TSHZ3: variants seen among roughly 807,000 people sequenced by gnomAD.
The protein encoded by TSHZ3 is teashirt zinc finger homeobox 3, also known as teashirt homolog 3.
TSHZ3 carries 10 observed loss-of-function variants against 64.5 expected under a neutral mutation model. The ratio of observed to expected loss-of-function variants is 0.16; its 90% CI spans 0.10 to 0.26. The LOEUF (loss-of-function observed/expected upper bound fraction) is 0.26. Among genes scored for constraint, TSHZ3 ranks in the 10% least tolerant of loss-of-function variants. TSHZ3 has a pLI of 1.00. For synonymous variants in TSHZ3, 608 were observed against 593.1 expected (o/e 1.03, Z -0.36); for missense variants, 1,242 against 1,421.7 (o/e 0.87, Z 2.03).
chr19:31,279,517 G>A lies in TSHZ3; in HGVS notation c.276C>T (p.Ser92=). 2.5e-6 allele frequency: 4 copies of A among 1,612,590 alleles called. No homozygotes were observed. Among genetic ancestry groups the A allele is most frequent in the Non-Finnish European group, 3.4e-6 (4 of 1,178,778 alleles). The change falls in exon 2 of 2, where the codon TCC becomes TCT. Residue 92 remains serine, a synonymous_variant. Transcript: ENST00000240587. The surrounding 1 kb of genome is among the most constrained non-coding windows in gnomAD (Gnocchi z 6.4). ...SDRMADFESG[S]IKNEEETKEV... ...CCTTGGTCTCCTCTTCGTTCTTGAT[G>A]GAGCCGCTTTCAAAGTCAGCCATTC... is the stretch of plus-strand genomic sequence containing the variant.
At chr19:31,283,798 G>A (rs533940228) in intron 1 of TSHZ3, among the ~76,000 whole-genome samples, 2 of 152,302 alleles carry the variant, frequency 1.3e-5, no homozygotes, top group East Asian at 1.9e-4. Context: ...AGCTTGACAC[G>A]CAAAGCCCCT....
chr19:31,285,177 C>A (rs1179607782), intron 1 of TSHZ3, among the ~76,000 whole-genome samples: 1 of 152,142 alleles, frequency 6.6e-6, no homozygotes, highest in Non-Finnish European at 1.5e-5. Context: ...CACTCAAATA[C>A]CCTCTTCAGG....
chr19:31,168,330 C>A (rs544620448), intron 5 of TSHZ3, among the ~76,000 whole-genome samples: 14 of 152,088 alleles, frequency 9.2e-5, no homozygotes, highest in African/African-American at 3.4e-4. Flanking sequence ...TGGGAAATAT[C>A]CTCTTTTTTG....
At chr19:31,242,055 G>T (rs1230666214) in intron 3 of TSHZ3, among the ~76,000 whole-genome samples, 1 of 152,178 alleles carries the variant, frequency 6.6e-6, no homozygotes, top group East Asian at 1.9e-4. Flanking sequence ...CATTTCCTCA[G>T]TGGATTTTTA....
intron 3 of TSHZ3, among the ~76,000 whole-genome samples, chr19:31,242,159 T>C (rs1265253494): frequency 6.6e-6 from 1 of 152,212 alleles, no homozygotes; most frequent in Non-Finnish European, 1.5e-5. Flanking sequence ...TTAAAATTTG[T>C]CCCTTCCAGA....
Position 31,279,496 on chromosome 19 carries a change from G to A in TSHZ3, c.297C>T (p.Thr99=), listed in dbSNP as rs1976322842. Residue 99 remains threonine (T), a synonymous_variant, in exon 2 of 2, where the codon ACC becomes ACT. Coordinates refer to ENST00000240587, the MANE Select transcript of TSHZ3 (RefSeq NM_020856.4). The surrounding 1 kb of genome is among the most constrained non-coding windows in gnomAD (Gnocchi z 6.4). The stretch of plus-strand genomic sequence containing the variant: ...CTTCCAGTGGGACCGTGACCTCCTT[G>A]GTCTCCTCTTCGTTCTTGATGGAGC... The part of the protein sequence containing the change: ...ESGSIKNEEE[T]KEVTVPLEDT... The A allele has an allele frequency of 1.2e-6, 2 of 1,613,996 alleles. No individual in the cohort carries two copies. The highest frequency in any genetic ancestry group is 1.1e-5 in the South Asian group (1 of 91,076).
At chr19:31,299,028 C>CG (rs1193572228) in intron 1 of TSHZ3, among the ~76,000 whole-genome samples, 2 of 152,136 alleles carry the variant, frequency 1.3e-5, no homozygotes, top group African/African-American at 2.4e-5. Context: ...AACCCTGTCT[C>CG]TACTAAAGGT....
chr19:31,258,232 G>A (rs1235771358), intron 1 of TSHZ3, among the ~76,000 whole-genome samples: 1 of 152,174 alleles, frequency 6.6e-6, no homozygotes, highest in Non-Finnish European at 1.5e-5. Flanking sequence ...AAGGGTATAA[G>A]CTCCCTGGCT....
At chr19:31,207,104 G>A (rs1278020640) in intron 4 of TSHZ3, among the ~76,000 whole-genome samples, 5 of 152,188 alleles carry the variant, frequency 3.3e-5, no homozygotes, top group Non-Finnish European at 5.9e-5. Context: ...GAGCAGGCGA[G>A]AGACCATTAT....
rs1003357308 is a variant in TSHZ3 at position 31,275,449 on chromosome 19, T to C, written c.*1098A>G. The C allele has an allele frequency of 1.3e-5, 2 of 152,580 alleles. No individual in the cohort carries two copies. Among genetic ancestry groups the C allele is most frequent in the Non-Finnish European group, 2.9e-5 (2 of 68,026 alleles). 9.5% of individuals were successfully genotyped at this position (152,580 alleles called of 1,614,324 possible). A position where few individuals can be genotyped will look rare whatever the true frequency, so the allele number is the denominator to read the frequency against. ...AAGTTCTTTTTTTTTTTTTGTTCTT[T>C]TTTTTAACCTTTTCAAATAGACTTA... On this transcript the variant is annotated 3_prime_UTR_variant, in exon 2 of 2. Transcript: ENST00000240587.
chr19:31,202,887 T>C (rs1452789891), intron 5 of TSHZ3, among the ~76,000 whole-genome samples: 1 of 152,174 alleles, frequency 6.6e-6, no homozygotes. Context: ...CACTGTTTAT[T>C]GAGTAACTAG....
intron 6 of TSHZ3, among the ~76,000 whole-genome samples, chr19:31,153,131 G>C (rs960065357): frequency 6.6e-6 from 1 of 152,128 alleles, no homozygotes; most frequent in African/African-American, 2.4e-5. Context: ...TCCTGCCATT[G>C]GAGTTCAGCT....
At chr19:31,196,850 CAAT>C (rs1975000747) in intron 5 of TSHZ3, among the ~76,000 whole-genome samples, 1 of 151,744 alleles carries the variant, frequency 6.6e-6, no homozygotes, top group African/African-American at 2.4e-5. Context: ...AAAATGAATC[CAAT>C]ATTATACTTA....
intron 3 of TSHZ3, among the ~76,000 whole-genome samples, chr19:31,237,429 A>T (rs117246774): frequency 0.027 from 4,125 of 152,228 alleles, 91 homozygotes; most frequent in Non-Finnish European, 0.039. Flanking sequence ...ATGTATTAAC[A>T]TTCTACAGGA....
At chr19:31,291,584 A>G (rs1470896959) in intron 1 of TSHZ3, among the ~76,000 whole-genome samples, 1 of 152,220 alleles carries the variant, frequency 6.6e-6, no homozygotes, top group African/African-American at 2.4e-5. Context: ...ACAAAAATAA[A>G]TGTATCAAGG....
chr19:31,326,944 C>T (rs1916947893), intron 1 of TSHZ3, among the ~76,000 whole-genome samples: 1 of 152,146 alleles, frequency 6.6e-6, no homozygotes, highest in Non-Finnish European at 1.5e-5. Context: ...CATGCAAATA[C>T]AGGGGAGAAG....
chr19:31,334,804 T>C (rs529729804), intron 1 of TSHZ3, among the ~76,000 whole-genome samples: 1 of 152,274 alleles, frequency 6.6e-6, no homozygotes, highest in Non-Finnish European at 1.5e-5. Context: ...AAGAGACCTA[T>C]GTTTATGCCT....
Position 31,279,845 on chromosome 19 carries a change from T to C in TSHZ3, c.41-93A>G, listed in dbSNP as rs573383670. 2.6e-6 allele frequency: 3 copies of C among 1,153,434 alleles called. No individual in the cohort carries two copies. The highest frequency in any genetic ancestry group is 3.1e-5 in the African/African-American group (2 of 65,338). The allele number at this position is 1,153,434 out of a possible 1,614,324, so 71.4% of individuals were successfully genotyped here. A position where few individuals can be genotyped will look rare whatever the true frequency, so the allele number is the denominator to read the frequency against. ...GAAAGAAAAAAAAAAGCATTAGTAC[T>C]TGTTGATCTTACCTAGAATATGTTC... is the stretch of plus-strand genomic sequence containing the variant. On this transcript the variant is annotated intron_variant, in intron 1 of 1. Transcript: ENST00000240587. The surrounding 1 kb of genome is among the most constrained non-coding windows in gnomAD (Gnocchi z 6.4).
chr19:31,247,391 A>G (rs182481198), intron 1 of TSHZ3, among the ~76,000 whole-genome samples: 4 of 152,296 alleles, frequency 2.6e-5, no homozygotes, highest in African/African-American at 9.6e-5. Flanking sequence ...CAAGGAGACC[A>G]AGGCACCATT....
Sources: allele counts gnomAD v4.1 joint callset (sites outside exome capture counted in the v4.1 genomes callset), GRCh38; gene constraint gnomAD v4.1.1; non-coding constraint Gnocchi (gnomAD v3.1); transcripts MANE v1.5; gene names NCBI Gene and HGNC (gene_info 2026-07-23, HGNC 2026-07-21).